The following NBEA variants were observed in gnomAD, a reference collection of about 807,000 sequenced individuals.
The protein encoded by NBEA is neurobeachin.
A neutral mutation model predicts 343.4 loss-of-function variants in NBEA; 44 were observed. The observed-to-expected ratio is 0.13, with a 90% CI of 0.10 to 0.16. The LOEUF is 0.16. NBEA is among the 10% of genes least tolerant of loss of function. The pLI, the probability that NBEA is intolerant of heterozygous loss-of-function variation, is 1.00. For synonymous variants in NBEA, 1,175 were observed against 1,238.7 expected (o/e 0.95, Z 1.08); for missense variants, 2,555 against 3,631.3 (o/e 0.70, Z 7.62).
At chr13:35,425,905 C>T (rs1035337237) in intron 38 of NBEA, among the ~76,000 whole-genome samples, 2 of 152,110 alleles carry the variant, frequency 1.3e-5, no homozygotes, top group Non-Finnish European at 2.9e-5. Context: ...TATGTAATGG[C>T]CTTCTTTGTC....
chr13:35,022,608 G>A (rs961986461), intron 1 of NBEA, among the ~76,000 whole-genome samples: 1 of 152,002 alleles, frequency 6.6e-6, no homozygotes. Flanking sequence ...ACATGTTGAT[G>A]GGGGCAGATC....
intron 34 of NBEA, among the ~76,000 whole-genome samples, chr13:35,235,757 A>G (rs1284540581): frequency 2.0e-5 from 3 of 152,218 alleles, no homozygotes; most frequent in Non-Finnish European, 4.4e-5. Flanking sequence ...ACAGAGAAAA[A>G]TGATTGAGTA....
Position 35,157,796 on chromosome 13 carries a change from A to G in NBEA, c.2844+526A>G, listed in dbSNP as rs574212893. Among the ~76,000 whole-genome samples the G allele has an allele frequency of 5.9e-5, 9 of 152,192 alleles. No individual in the cohort carries two copies. The South Asian group carries it at 6.2e-4, about 11-fold the overall frequency. On this transcript the variant is annotated intron_variant, in intron 21 of 58. Transcript: ENST00000379939. ...ATAGTGAATTAAACTGTACAAGTAT[A>G]TACACATTAGATTCTGGAAATTCAG...
chr13:35,144,962 G>T (rs1348289717), intron 18 of NBEA, among the ~76,000 whole-genome samples: 1 of 152,178 alleles, frequency 6.6e-6, no homozygotes, highest in East Asian at 1.9e-4. Flanking sequence ...CAGTTGGTAG[G>T]TATCCTTTGA....
chr13:35,366,993 A>T (rs1034313621), intron 38 of NBEA, among the ~76,000 whole-genome samples: 2 of 151,340 alleles, frequency 1.3e-5, no homozygotes, highest in African/African-American at 4.8e-5. Context: ...AAAAAATGGC[A>T]ATTTAGTTTG....
intron 45 of NBEA, among the ~76,000 whole-genome samples, chr13:35,570,413 C>T (rs745739513): frequency 6.6e-6 from 1 of 152,170 alleles, no homozygotes. Context: ...CACATGTGCT[C>T]CTCTAATTTT....
At chr13:35,437,949 C>T (rs1479371717) in intron 39 of NBEA, among the ~76,000 whole-genome samples, 1 of 152,124 alleles carries the variant, frequency 6.6e-6, no homozygotes, top group East Asian at 1.9e-4. Flanking sequence ...TCTTTGTTGA[C>T]TGTCAATTAT....
intron 1 of NBEA, among the ~76,000 whole-genome samples, chr13:34,960,480 G>A (rs2059627380): frequency 6.6e-6 from 1 of 151,908 alleles, no homozygotes; most frequent in South Asian, 2.1e-4. Flanking sequence ...TTATTGTAAT[G>A]TCCTAGGCCT....
intron 31 of NBEA, among the ~76,000 whole-genome samples, chr13:35,199,220 T>G (rs1181560587): frequency 6.6e-6 from 1 of 152,178 alleles, no homozygotes; most frequent in Non-Finnish European, 1.5e-5. Context: ...CTTATCTGTC[T>G]TAAGGTAGCT....
intron 36 of NBEA, among the ~76,000 whole-genome samples, chr13:35,319,783 G>T (rs1439746780): frequency 1.3e-5 from 2 of 152,092 alleles, no homozygotes; most frequent in Admixed American, 6.5e-5. Flanking sequence ...TCCTGTATTG[G>T]GTGCATATAT....
chr13:35,560,511 ACT>A (rs923138805), intron 44 of NBEA, among the ~76,000 whole-genome samples: 3 of 152,112 alleles, frequency 2.0e-5, no homozygotes, highest in African/African-American at 4.8e-5. Flanking sequence ...AGAGAAAAAG[ACT>A]CTGAGACAGA....
At chr13:35,175,674 G>C (rs2070841149) in intron 27 of NBEA, among the ~76,000 whole-genome samples, 1 of 152,148 alleles carries the variant, frequency 6.6e-6, no homozygotes, top group Admixed American at 6.6e-5. Context: ...AAAAATACTA[G>C]GGGAAGATTT....
At chr13:35,171,820 C>T (rs1201789201) in intron 26 of NBEA, among the ~76,000 whole-genome samples, 2 of 151,990 alleles carry the variant, frequency 1.3e-5, no homozygotes, top group African/African-American at 2.4e-5. Flanking sequence ...GTCCTGGCCT[C>T]ACAAACATGT....
In NBEA at chr13:35,161,844, A is replaced by G; in HGVS notation, c.3956A>G (p.Gln1319Arg). 2 of 1,611,100 alleles carry G rather than the reference A, an allele frequency of 1.2e-6. No homozygotes were observed. The highest frequency in any genetic ancestry group is 1.7e-6 in the Non-Finnish European group (2 of 1,178,658). Reference sequence around the variant, plus strand: ...CCAATGACTGAGGAACAGCGACGCCAGTTTAGCCCAGGTCCACGGACTACA... The same window carrying G: ...CCAATGACTGAGGAACAGCGACGCCGGTTTAGCCCAGGTCCACGGACTACA... ...GMPMTEEQRR[Q>R]FSPGPRTTMF... Residue 1319 changes from glutamine to arginine, a missense_variant, in exon 23 of 59, where the codon CAG (glutamine) becomes CGG (arginine). Gln to Arg is a conservative substitution (Grantham distance 43). Around this residue, in one of 21 missense-constraint regions of NBEA, gnomAD observed 69 missense variants for 128.8 expected, o/e 0.54. Coordinates refer to ENST00000379939, the MANE Select transcript of NBEA (RefSeq NM_001385012.1).
At chr13:35,063,571 A>G (rs933295229) in intron 8 of NBEA, among the ~76,000 whole-genome samples, 1 of 152,008 alleles carries the variant, frequency 6.6e-6, no homozygotes, top group Non-Finnish European at 1.5e-5. Context: ...TTCAGAGAAC[A>G]ATTACATGCT....
At chr13:35,266,264 G>A (rs1169087473) in intron 34 of NBEA, among the ~76,000 whole-genome samples, 1 of 151,774 alleles carries the variant, frequency 6.6e-6, no homozygotes, top group African/African-American at 2.4e-5. Context: ...TAGCCATTGT[G>A]GAAAACAGAA....
At chr13:34,999,276 C>T (rs1416612869) in intron 1 of NBEA, among the ~76,000 whole-genome samples, 2 of 152,066 alleles carry the variant, frequency 1.3e-5, no homozygotes, top group South Asian at 2.1e-4. Context: ...TACAGGTGTA[C>T]AGTGTGTAGT....
intron 36 of NBEA, among the ~76,000 whole-genome samples, chr13:35,321,350 C>G (rs1289546386): frequency 6.6e-6 from 1 of 152,178 alleles, no homozygotes; most frequent in Non-Finnish European, 1.5e-5. Flanking sequence ...AGTCAGACTT[C>G]TCTGCTGTGG....
intron 35 of NBEA, among the ~76,000 whole-genome samples, chr13:35,291,867 C>T (rs1376983348): frequency 6.6e-6 from 1 of 151,886 alleles, no homozygotes; most frequent in Non-Finnish European, 1.5e-5. Flanking sequence ...GAAATTTAAG[C>T]TCTCTATGCA....
Sources: allele counts gnomAD v4.1 joint callset (sites outside exome capture counted in the v4.1 genomes callset), GRCh38; gene constraint gnomAD v4.1.1; regional missense constraint gnomAD v4.1.1; transcripts MANE v1.5; gene names NCBI Gene and HGNC (gene_info 2026-07-23, HGNC 2026-07-21).